The following RMDN2 variants were observed in gnomAD, a reference collection of about 807,000 sequenced individuals.
RMDN2 encodes the protein regulator of microtubule dynamics protein 2.
In RMDN2, 61 loss-of-function variants were observed where a neutral mutation model predicts 52.8. The ratio of observed to expected loss-of-function variants is 1.16; its 90% confidence interval spans 0.94 to 1.43. The LOEUF (loss-of-function observed/expected upper bound fraction) is 1.43. RMDN2 is among the 40% of genes most tolerant of loss of function. RMDN2 has a pLI of 0.00. For missense variants in RMDN2, 592 were observed against 475.3 expected, an observed-to-expected ratio of 1.25 and a Z score of -2.28; for synonymous variants, 180 against 153.1, an observed-to-expected ratio of 1.18 and a Z score of -1.30.
chr2:37,966,585 C>G (rs772995183), intron 2 of RMDN2, among the ~76,000 whole-genome samples: 1 of 152,040 alleles, frequency 6.6e-6, no homozygotes, highest in African/African-American at 2.4e-5. Context: ...GTCCTTTAGG[C>G]TCTATTTACT....
At chr2:38,015,739 C>G (rs542523099) in intron 10 of RMDN2, among the ~76,000 whole-genome samples, 1 of 152,234 alleles carries the variant, frequency 6.6e-6, no homozygotes, top group Admixed American at 6.5e-5. Flanking sequence ...AAAACAAAGA[C>G]AGAACTTCCG....
At chr2:38,027,453 C>T (rs1679860724) in intron 10 of RMDN2, 2 of 152,128 alleles carry the variant, frequency 1.3e-5, no homozygotes, top group Non-Finnish European at 2.9e-5. Context: ...ATCTGCTCCT[C>T]ACCACACTTT....
At position 37,967,887 on chromosome 2, in the gene RMDN2, G is replaced by C. The variant is rs546584328; in HGVS notation, c.453-6153G>C. Among the ~76,000 whole-genome samples the C allele has an allele frequency of 3.3e-5, 5 of 152,258 alleles. No individual in the cohort carries two copies. The South Asian group carries it at 1.0e-3, about 32-fold the overall frequency. On this transcript the variant is annotated intron_variant, in intron 2 of 10. Coordinates refer to ENST00000354545, the MANE Select transcript of RMDN2 (RefSeq NM_001170791.3). ...CAACATTGATATGGTTCAATTCCCAGGACCCTCAGTTCTTTAGAGATGGAC... is the reference window on the plus strand; with the variant it reads ...CAACATTGATATGGTTCAATTCCCACGACCCTCAGTTCTTTAGAGATGGAC...
intron 2 of RMDN2, among the ~76,000 whole-genome samples, chr2:37,968,135 G>A (rs942232066): frequency 1.3e-5 from 2 of 152,098 alleles, no homozygotes; most frequent in Non-Finnish European, 2.9e-5. Flanking sequence ...AAAGTCTGTT[G>A]TTAGGCTAGG....
At chr2:38,030,977 A>C (rs991128500) in intron 10 of RMDN2, among the ~76,000 whole-genome samples, 2 of 142,752 alleles carry the variant, frequency 1.4e-5, no homozygotes, top group African/African-American at 5.3e-5. Context: ...ATAGACTTCT[A>C]AAAAAAAAAA....
chr2:37,975,081 A>G (rs953150670), intron 3 of RMDN2, 131 bp from the exon 4 acceptor site: 24 of 663,600 alleles, frequency 3.6e-5, no homozygotes, highest in East Asian at 8.2e-5. Context: ...AAATATGCAT[A>G]TACATAGATT....
chr2:37,951,868 T>G (rs1439069365), intron 2 of RMDN2: 1 of 1,613,426 alleles, frequency 6.2e-7, no homozygotes, highest in African/African-American at 1.3e-5. Context: ...TTCTTTTCTC[T>G]TGCAAGTGAT....
chr2:37,964,884 A>G (rs1008671808), intron 2 of RMDN2, among the ~76,000 whole-genome samples: 4 of 151,980 alleles, frequency 2.6e-5, no homozygotes, highest in South Asian at 2.1e-4. Flanking sequence ...TCTTTTTTCA[A>G]TTCTGTCAGT....
chr2:38,038,793 A>G (rs1212784197), intron 10 of RMDN2, among the ~76,000 whole-genome samples: 9 of 152,138 alleles, frequency 5.9e-5, no homozygotes, highest in Non-Finnish European at 1.3e-4. Flanking sequence ...GTAAGGGCAG[A>G]GACACTTTGG....
intron 2 of RMDN2, among the ~76,000 whole-genome samples, chr2:37,937,157 A>G (rs1227750347): frequency 6.6e-6 from 1 of 152,142 alleles, no homozygotes; most frequent in Non-Finnish European, 1.5e-5. Flanking sequence ...TTTATTAAAC[A>G]GGGAATCTTT....
intron 10 of RMDN2, among the ~76,000 whole-genome samples, chr2:38,041,152 T>A (rs867957586): frequency 1.3e-5 from 2 of 152,156 alleles, no homozygotes; most frequent in Non-Finnish European, 1.5e-5. Flanking sequence ...AGTTTCACCA[T>A]CTGACTCGGG....
At chr2:37,930,967 C>T (rs902134292) in intron 2 of RMDN2, among the ~76,000 whole-genome samples, 2 of 152,282 alleles carry the variant, frequency 1.3e-5, no homozygotes, top group Middle Eastern at 3.4e-3. Context: ...AGCAGACTCC[C>T]TCCAGGCTCA....
intron 10 of RMDN2, among the ~76,000 whole-genome samples, chr2:38,061,935 G>C (rs148626841): frequency 6.6e-6 from 1 of 152,144 alleles, no homozygotes; most frequent in South Asian, 2.1e-4. Context: ...TACCTCTCCT[G>C]CAAGGACTTC....
At position 37,959,081 on chromosome 2, in the gene RMDN2, G is replaced by A. The variant is rs149966814; in HGVS notation, c.453-14959G>A. 2.9e-3 allele frequency among the ~76,000 whole-genome samples: 442 copies of A among 151,108 alleles called. 30 individuals are homozygous for A. The highest frequency in any genetic ancestry group is 0.01 in the Middle Eastern group (3 of 294). The stretch of plus-strand genomic sequence containing the variant: ...GTATTTTATTGAGGATTTTTGCATC[G>A]ATCTTCATCAGGGATATTGGCCTGA... On this transcript the variant is annotated intron_variant, in intron 2 of 10. Transcript: ENST00000354545.
At chr2:38,063,621 C>T (rs1161343655) in intron 10 of RMDN2, among the ~76,000 whole-genome samples, 2 of 152,042 alleles carry the variant, frequency 1.3e-5, no homozygotes, top group South Asian at 2.1e-4. Context: ...AGGCAACCTA[C>T]AGAATGGGAG....
intron 2 of RMDN2, among the ~76,000 whole-genome samples, chr2:37,964,929 G>C (rs150060937): frequency 4.9e-4 from 75 of 152,186 alleles, no homozygotes; most frequent in African/African-American, 1.7e-3. Context: ...ATGATGTTGA[G>C]TGCATTTAGT....
intron 2 of RMDN2, among the ~76,000 whole-genome samples, chr2:37,958,698 G>T (rs1330611557): frequency 6.6e-6 from 1 of 150,854 alleles, no homozygotes; most frequent in Non-Finnish European, 1.5e-5. Context: ...GTGAGAGAGG[G>T]CATCCTTGTC....
chr2:38,037,895 C>T (rs1212156653), intron 10 of RMDN2, among the ~76,000 whole-genome samples: 3 of 152,306 alleles, frequency 2.0e-5, no homozygotes, highest in Middle Eastern at 3.4e-3. Flanking sequence ...CTAGCGACTG[C>T]GTGAGCTGAG....
chr2:37,944,753 T>A (rs1056915967), intron 2 of RMDN2, among the ~76,000 whole-genome samples: 5 of 152,284 alleles, frequency 3.3e-5, no homozygotes, highest in African/African-American at 1.2e-4. Context: ...AACTTGACTT[T>A]AGATGGAAGG....
Sources: gnomAD v4.1 joint callset for allele counts (sites outside exome capture counted in the v4.1 genomes callset) on GRCh38, gnomAD v4.1.1 for gene constraint, MANE v1.5 for transcripts, NCBI Gene and HGNC (gene_info 2026-07-23, HGNC 2026-07-21) for gene names.